The following IFNAR1 variants were observed in gnomAD, a reference collection of about 807,000 sequenced individuals.
IFNAR1 encodes interferon alpha/beta receptor 1.
IFNAR1 carries 47 observed loss-of-function variants against 62.1 expected under a neutral mutation model. That is an observed-to-expected ratio of 0.76 (90% CI 0.60 to 0.97). IFNAR1 has a LOEUF of 0.97. Ranked by LOEUF, IFNAR1 falls within the 50% of genes least tolerant of loss-of-function variation. IFNAR1 has a pLI of 0.00. For missense variants in IFNAR1, 638 were observed against 654.5 expected (o/e 0.97, Z 0.27); for synonymous variants, 219 against 226.9 (o/e 0.97, Z 0.31).
At chr21:33,326,430 C>T (rs1453701531) in intron 1 of IFNAR1, among the ~76,000 whole-genome samples, 2 of 152,252 alleles carry the variant, frequency 1.3e-5, no homozygotes, top group Non-Finnish European at 2.9e-5. Flanking sequence ...GTCTCGAACT[C>T]CTGACCTCAA....
chr21:33,332,751 A>G (rs2226300), intron 1 of IFNAR1, among the ~76,000 whole-genome samples: 57,865 of 152,060 alleles, frequency 0.38, 11,182 homozygotes, highest in Middle Eastern at 0.46. Flanking sequence ...AAGAGCTTCA[A>G]TAACAGACTT....
chr21:33,349,221 G>C lies in IFNAR1; in HGVS notation c.919G>C (p.Val307Leu), dbSNP rs17875833. 10 of 1,613,310 alleles carry C rather than the reference G, an allele frequency of 6.2e-6. No individual in the cohort carries two copies. Among genetic ancestry groups the C allele is most frequent in the South Asian group, 3.3e-5 (3 of 90,922 alleles). ...CCAAAAAGGAATTTACCTTCTCCGC[G>C]TACAAGCATCTGATGGAAATAACAC... The part of the protein sequence containing the change: ...VFQKGIYLLR[V>L]QASDGNNTSF... Residue 307 changes from valine to leucine, a missense_variant, in exon 7 of 11, where the codon GTA (valine) becomes CTA (leucine). Physicochemically the swap from Val to Leu is conservative, Grantham distance 32. Coordinates refer to ENST00000270139, the MANE Select transcript of IFNAR1 (RefSeq NM_000629.3).
chr21:33,330,111 A>C (rs1323156961), intron 1 of IFNAR1, among the ~76,000 whole-genome samples: 1 of 152,234 alleles, frequency 6.6e-6, no homozygotes, highest in African/African-American at 2.4e-5. Flanking sequence ...AACCCTTAGC[A>C]GACAGCTGTG....
chr21:33,326,199 A>G (rs907328518), intron 1 of IFNAR1, among the ~76,000 whole-genome samples: 3 of 142,250 alleles, frequency 2.1e-5, no homozygotes, highest in African/African-American at 8.0e-5. Context: ...ATGGGAAGAC[A>G]TTTTTATTTA....
intron 10 of IFNAR1, among the ~76,000 whole-genome samples, chr21:33,354,751 C>A (rs2083431635): frequency 6.6e-6 from 1 of 152,120 alleles, no homozygotes; most frequent in Admixed American, 6.5e-5. Context: ...TAAACCACCC[C>A]ATAGAGGTGT....
chr21:33,324,676 T>G, upstream of IFNAR1: 5 of 218,540 alleles, frequency 2.3e-5, no homozygotes, highest in East Asian at 1.1e-4. Flanking sequence ...AGGCCTCCTG[T>G]GAGGGGGAGT....
At position 33,349,529 on chromosome 21, in the gene IFNAR1, A is replaced by G. The variant is rs766737022; in HGVS notation, c.1129A>G (p.Thr377Ala). 8 of 1,605,334 alleles carry G rather than the reference A, an allele frequency of 5.0e-6. No individual in the cohort carries two copies. Among genetic ancestry groups the G allele is most frequent in the Middle Eastern group, 1.7e-4 (1 of 6,038 alleles). ...TTATGAAATTATTTTTTGGGAAAAC[A>G]CTTCAAATGCTGAGGTAAAAAGACT... Reference protein sequence around the residue: ...LIYEIIFWENTSNAERKIIEK... With the variant: ...LIYEIIFWENASNAERKIIEK... The change falls in exon 8 of 11, where the codon ACT (threonine) becomes GCT (alanine). Residue 377 changes from threonine (T) to alanine (A), a missense_variant. By Grantham distance (58) the Thr-to-Ala change is moderately conservative (BLOSUM62 0). Transcript: ENST00000270139.
At chr21:33,329,943 A>C (rs1234870435) in intron 1 of IFNAR1, among the ~76,000 whole-genome samples, 1 of 152,226 alleles carries the variant, frequency 6.6e-6, no homozygotes, top group Non-Finnish European at 1.5e-5. Flanking sequence ...TCACCTAGAC[A>C]AGAATTGTAC....
intron 2 of IFNAR1, among the ~76,000 whole-genome samples, chr21:33,336,568 C>T (rs1181872256): frequency 2.0e-5 from 3 of 152,074 alleles, no homozygotes; most frequent in East Asian, 3.9e-4. Flanking sequence ...TATTTCTCCA[C>T]ATCCTCTCCA....
At chr21:33,335,040 AC>A in intron 1 of IFNAR1, 1 of 1,332,508 alleles carries the variant, frequency 7.5e-7, no homozygotes, top group Non-Finnish European at 1.1e-6. Context: ...TGATGATGTC[AC>A]CACAAGGAGT....
chr21:33,335,031 G>A, intron 1 of IFNAR1: 7 of 1,395,716 alleles, frequency 5.0e-6, no homozygotes, highest in Non-Finnish European at 7.1e-6. Flanking sequence ...AATTATTTGT[G>A]ATGATGTCAC....
In IFNAR1 at chr21:33,343,551, T is replaced by A; in HGVS notation, c.548T>A (p.Ile183Asn). 1 of 1,544,056 alleles carries A rather than the reference T, an allele frequency of 6.5e-7. No homozygotes were observed. The highest frequency in any genetic ancestry group is 8.9e-7 in the Non-Finnish European group (1 of 1,120,358). Reference protein sequence around the residue: ...SSGVEERIENIYSRHKIYKLS... With the variant: ...SSGVEERIENNYSRHKIYKLS... Reference sequence around the variant, plus strand: ...GTGTTATAGGAAAGGATTGAAAATATTTATTCCAGACATAAAATTTATAAA... The same window carrying A: ...GTGTTATAGGAAAGGATTGAAAATAATTATTCCAGACATAAAATTTATAAA... The change falls in exon 5 of 11, where the codon ATT becomes AAT. Residue 183 changes from isoleucine to asparagine, a missense_variant. By Grantham distance (149) the Ile-to-Asn change is moderately radical. Coordinates refer to ENST00000270139, the MANE Select transcript of IFNAR1 (RefSeq NM_000629.3).
At chr21:33,353,358 A>G (rs551141751) in intron 9 of IFNAR1, among the ~76,000 whole-genome samples, 30 of 152,224 alleles carry the variant, frequency 2.0e-4, no homozygotes, top group Non-Finnish European at 1.0e-4. Flanking sequence ...TGCTAGTTGT[A>G]TGGTGTAAAA....
chr21:33,348,291 A>G (rs1399759572), intron 6 of IFNAR1, among the ~76,000 whole-genome samples: 1 of 152,176 alleles, frequency 6.6e-6, no homozygotes, highest in Non-Finnish European at 1.5e-5. Context: ...GATTTTTATG[A>G]TATAAATATT....
At chr21:33,334,817 A>G (rs2083217518) in intron 1 of IFNAR1, 9 of 901,142 alleles carry the variant, frequency 1.0e-5, no homozygotes, top group African/African-American at 3.3e-5. Context: ...CACTCAATTC[A>G]TGACCCAGGT....
At chr21:33,336,978 T>C (rs1426311531) in intron 2 of IFNAR1, among the ~76,000 whole-genome samples, 1 of 152,146 alleles carries the variant, frequency 6.6e-6, no homozygotes, top group East Asian at 1.9e-4. Flanking sequence ...CTCAAACTTC[T>C]TACCTCAGGT....
intron 1 of IFNAR1, among the ~76,000 whole-genome samples, chr21:33,326,226 T>C (rs956302713): frequency 2.0e-5 from 3 of 151,486 alleles, no homozygotes; most frequent in Non-Finnish European, 1.5e-5. Flanking sequence ...TTTTTTTTTT[T>C]TTTTGAGACA....
intron 2 of IFNAR1, among the ~76,000 whole-genome samples, chr21:33,339,466 T>C: frequency 6.6e-6 from 1 of 152,218 alleles, no homozygotes; most frequent in Non-Finnish European, 1.5e-5. Flanking sequence ...TTTGGTATTA[T>C]CTCTGGTTTC....
intron 2 of IFNAR1, among the ~76,000 whole-genome samples, chr21:33,338,852 C>G (rs1426144102): frequency 2.0e-5 from 3 of 151,670 alleles, no homozygotes; most frequent in Non-Finnish European, 4.4e-5. Context: ...AAGCAATTCT[C>G]CTGTCTCAGC....
Sources: gnomAD v4.1 joint callset for allele counts (sites outside exome capture counted in the v4.1 genomes callset) on GRCh38, gnomAD v4.1.1 for gene constraint, MANE v1.5 for transcripts, NCBI Gene and HGNC (gene_info 2026-07-23, HGNC 2026-07-21) for gene names.